Variants in LDB2 observed in about 807,000 individuals in gnomAD.
LDB2 encodes the protein LIM domain-binding protein 2.
LDB2 carries 12 observed loss-of-function variants against 44.3 expected under a neutral mutation model. That is an observed-to-expected ratio of 0.27 (90% CI 0.17 to 0.44). The LOEUF (loss-of-function observed/expected upper bound fraction) is 0.44, where lower values mean the gene tolerates loss of function less well. Ranked by LOEUF, LDB2 falls within the 20% of genes least tolerant of loss-of-function variation. The probability of loss-of-function intolerance (pLI) is 1.00; values close to 1 mark genes in which losing one functional copy is unlikely to be tolerated. For synonymous variants in LDB2, 164 were observed against 174.8 expected (o/e 0.94, Z 0.49); for missense variants, 344 against 473.5 (o/e 0.73, Z 2.54).
intron 5 of LDB2, among the ~76,000 whole-genome samples, chr4:16,544,123 A>G (rs1041637040): frequency 6.6e-6 from 1 of 152,202 alleles, no homozygotes; most frequent in African/African-American, 2.4e-5. Flanking sequence ...TGAAGGAAAA[A>G]CAGAGGATCA....
intron 2 of LDB2, among the ~76,000 whole-genome samples, chr4:16,625,279 C>T (rs1394280600): frequency 6.6e-6 from 1 of 152,160 alleles, no homozygotes; most frequent in Non-Finnish European, 1.5e-5. Context: ...CATAAAGTTC[C>T]ATCTGCTTGA....
intron 2 of LDB2, among the ~76,000 whole-genome samples, chr4:16,713,388 C>G (rs1756366658): frequency 1.3e-5 from 2 of 150,654 alleles, no homozygotes; most frequent in Admixed American, 6.6e-5. Flanking sequence ...AAGAACAGAT[C>G]AGAAATGAAA....
chr4:16,620,396 T>C (rs1036552093), intron 2 of LDB2, among the ~76,000 whole-genome samples: 1 of 152,196 alleles, frequency 6.6e-6, no homozygotes, highest in African/African-American at 2.4e-5. Context: ...TCTTAGATGC[T>C]TAGATGTGGG....
chr4:16,814,481 G>C (rs886356167), intron 1 of LDB2, among the ~76,000 whole-genome samples: 1 of 152,092 alleles, frequency 6.6e-6, no homozygotes, highest in South Asian at 2.1e-4. Flanking sequence ...CTATCTGCTC[G>C]TTCCCAACTC....
chr4:16,789,372 CA>C (rs1775203376), intron 1 of LDB2, among the ~76,000 whole-genome samples: 1 of 152,172 alleles, frequency 6.6e-6, no homozygotes, highest in South Asian at 2.1e-4. Flanking sequence ...ACCAGACAAA[CA>C]AGGTTCCCTG....
intron 2 of LDB2, among the ~76,000 whole-genome samples, chr4:16,662,980 C>T (rs184033242): frequency 1.7e-4 from 26 of 152,058 alleles, no homozygotes; most frequent in Admixed American, 1.5e-3. Context: ...ACTCCTTCCC[C>T]GAAAATCTGC....
intron 1 of LDB2, among the ~76,000 whole-genome samples, chr4:16,796,101 G>A (rs1334235535): frequency 6.6e-6 from 1 of 152,022 alleles, no homozygotes; most frequent in Non-Finnish European, 1.5e-5. Context: ...AGACCAGTCT[G>A]GGCAACATGG....
chr4:16,514,740 AG>A, intron 5 of LDB2, among the ~76,000 whole-genome samples: 1 of 152,348 alleles, frequency 6.6e-6, no homozygotes, highest in Non-Finnish European at 1.5e-5. Flanking sequence ...CAGGCTGTAA[AG>A]TAATGAGACC....
At chr4:16,761,176 C>G (rs918505300) in intron 1 of LDB2, among the ~76,000 whole-genome samples, 5 of 152,192 alleles carry the variant, frequency 3.3e-5, no homozygotes, top group African/African-American at 1.2e-4. Context: ...TACTTTGCAA[C>G]TGCAGAAACC....
At chr4:16,564,889 C>T (rs1743929321) in intron 5 of LDB2, among the ~76,000 whole-genome samples, 1 of 152,126 alleles carries the variant, frequency 6.6e-6, no homozygotes, top group Non-Finnish European at 1.5e-5. Context: ...AAGAATATTA[C>T]CCAAATGGTC....
chr4:16,746,239 T>A lies in LDB2; in HGVS notation c.235+12919A>T, dbSNP rs567579967. Among the ~76,000 whole-genome samples the A allele has an allele frequency of 2.8e-4, 42 of 152,352 alleles. 2 individuals carry two copies. The South Asian group carries it at 8.3e-3, about 30-fold the overall frequency. On this transcript the variant is annotated intron_variant, in intron 2 of 7. Transcript: ENST00000304523. Reference sequence around the variant, plus strand: ...CTGTAAAGCATTATTAGAATGTTTATCATTTTAACTTATTAACTAATCCAG... The same window carrying A: ...CTGTAAAGCATTATTAGAATGTTTAACATTTTAACTTATTAACTAATCCAG...
intron 7 of LDB2, 51 bp downstream of exon 7, chr4:16,508,484 G>A (rs1720447311): frequency 3.5e-6 from 5 of 1,413,772 alleles, no homozygotes; most frequent in Admixed American, 2.5e-5. Flanking sequence ...GGCCCTTTGA[G>A]TAGGAAGCAG....
chr4:16,508,639 A>C lies in LDB2; in HGVS notation c.787T>G (p.Ser263Ala). 6.2e-7 allele frequency: 1 copy of C among 1,613,626 alleles called. No individual in the cohort carries two copies. The highest frequency in any genetic ancestry group is 8.5e-7 in the Non-Finnish European group (1 of 1,179,770). ...CTGCTGTTGGAAGTGCTGCTGGTGG[A>C]ATTTTTCCTTTTTCTCCGTTTGGTT... ...PTTKRRKRKN[S>A]TSSTSNSSAG... Residue 263 changes from serine (S) to alanine (A), a missense_variant, in exon 7 of 8, where the codon TCC becomes GCC. Coordinates refer to ENST00000304523, the MANE Select transcript of LDB2 (RefSeq NM_001290.5).
intron 2 of LDB2, among the ~76,000 whole-genome samples, chr4:16,753,992 G>C (rs1765984225): frequency 6.6e-6 from 1 of 152,134 alleles, no homozygotes; most frequent in Non-Finnish European, 1.5e-5. Flanking sequence ...TTCAAGTAAG[G>C]CCACTTAGAA....
intron 5 of LDB2, among the ~76,000 whole-genome samples, chr4:16,532,588 T>C (rs1256858738): frequency 2.6e-5 from 4 of 152,230 alleles, no homozygotes; most frequent in African/African-American, 9.6e-5. Context: ...TCTTAGAGTC[T>C]GGTACTCTTA....
intron 5 of LDB2, among the ~76,000 whole-genome samples, chr4:16,571,338 T>A (rs1328391537): frequency 6.6e-6 from 1 of 152,102 alleles, no homozygotes; most frequent in Non-Finnish European, 1.5e-5. Context: ...AAGTCTCAGA[T>A]CAACAGGGAT....
intron 2 of LDB2, among the ~76,000 whole-genome samples, chr4:16,608,926 A>T (rs1377747514): frequency 6.6e-6 from 1 of 152,158 alleles, no homozygotes; most frequent in Admixed American, 6.5e-5. Context: ...TGTCATTATT[A>T]AAAACTAATA....
intron 5 of LDB2, among the ~76,000 whole-genome samples, chr4:16,559,192 A>G (rs972472997): frequency 6.0e-4 from 91 of 152,332 alleles, no homozygotes; most frequent in Non-Finnish European, 1.1e-3. Context: ...TCATAATGAC[A>G]GGATCAAATT....
At chr4:16,562,218 T>C (rs2152381490) in intron 5 of LDB2, among the ~76,000 whole-genome samples, 1 of 152,070 alleles carries the variant, frequency 6.6e-6, no homozygotes, top group South Asian at 2.1e-4. Context: ...AATTGACAAA[T>C]GGGATCTAAT....
Sources: gnomAD v4.1 joint callset for allele counts (sites outside exome capture counted in the v4.1 genomes callset) on GRCh38, gnomAD v4.1.1 for gene constraint, MANE v1.5 for transcripts, NCBI Gene and HGNC (gene_info 2026-07-23, HGNC 2026-07-21) for gene names.